Variants in RAB38 observed in about 807,000 individuals in gnomAD.
RAB38 encodes RAB38, member RAS oncogene family, also known as ras-related protein Rab-38.
In RAB38, 15 loss-of-function variants were observed where a neutral mutation model predicts 18.4. The observed-to-expected ratio is 0.82, with a 90% CI of 0.55 to 1.26. RAB38 has a LOEUF of 1.26. Ranked by LOEUF, RAB38 falls within the 50% of genes most tolerant of loss-of-function variation. The pLI is 0.00. For synonymous variants in RAB38, 101 were observed against 104.4 expected, an observed-to-expected ratio of 0.97 and a Z score of 0.20; for missense variants, 294 against 267.4, an observed-to-expected ratio of 1.10 and a Z score of -0.69.
chr11:88,033,050 A>G, the RAB38 span, among the ~76,000 whole-genome samples: 2 of 152,182 alleles, frequency 1.3e-5, no homozygotes, highest in Non-Finnish European at 2.9e-5. Context: ...TGCAGCCATA[A>G]AAAATGATGA....
the RAB38 span, among the ~76,000 whole-genome samples, chr11:87,955,911 G>A: frequency 6.7e-6 from 1 of 150,084 alleles, no homozygotes; most frequent in Non-Finnish European, 1.5e-5. Context: ...ACACAAGTAG[G>A]ACAGAATAGA....
chr11:88,093,541 G>A, the RAB38 span, among the ~76,000 whole-genome samples: 1 of 151,514 alleles, frequency 6.6e-6, no homozygotes, highest in African/African-American at 2.4e-5. Context: ...CAGTCCTTTT[G>A]TTCATTGAAA....
the RAB38 span, among the ~76,000 whole-genome samples, chr11:87,871,944 A>G: frequency 6.6e-6 from 1 of 151,610 alleles, no homozygotes; most frequent in East Asian, 1.9e-4. Context: ...ATTACAAATA[A>G]TGCTACCTGT....
the RAB38 span, among the ~76,000 whole-genome samples, chr11:87,976,161 T>A: frequency 6.7e-6 from 1 of 148,300 alleles, no homozygotes; most frequent in African/African-American, 2.5e-5. Flanking sequence ...TATATATACC[T>A]TTATGTATAT....
the RAB38 span, among the ~76,000 whole-genome samples, chr11:87,857,961 T>C: frequency 1.3e-5 from 2 of 152,202 alleles, no homozygotes; most frequent in Admixed American, 1.3e-4. Context: ...TGAATGCTAT[T>C]GCCTAGGTTT....
intron 2 of RAB38, among the ~76,000 whole-genome samples, chr11:88,143,525 T>C (rs1359173140): frequency 6.7e-6 from 1 of 150,270 alleles, no homozygotes; most frequent in East Asian, 1.9e-4. Flanking sequence ...GATCATAGTT[T>C]GCTAATGCAT....
chr11:88,103,273 T>A, the RAB38 span, among the ~76,000 whole-genome samples: 1 of 152,044 alleles, frequency 6.6e-6, no homozygotes, highest in Admixed American at 6.6e-5. Context: ...GCATTTGAAA[T>A]CTAGTGTGTC....
At chr11:87,844,004 ATC>A in the RAB38 span, among the ~76,000 whole-genome samples, 1 of 152,166 alleles carries the variant, frequency 6.6e-6, no homozygotes, top group Non-Finnish European at 1.5e-5. Flanking sequence ...ATATTTCCTC[ATC>A]TCTTAGTTTT....
At chr11:87,884,142 T>G in the RAB38 span, among the ~76,000 whole-genome samples, 1 of 151,974 alleles carries the variant, frequency 6.6e-6, no homozygotes. Context: ...TCATCTATCC[T>G]TATCTTTAGA....
chr11:88,131,165 G>A (rs1942763122), intron 2 of RAB38, among the ~76,000 whole-genome samples: 1 of 151,952 alleles, frequency 6.6e-6, no homozygotes, highest in African/African-American at 2.4e-5. Flanking sequence ...CTTATAATAT[G>A]GTATTGTTCA....
At chr11:87,828,548 T>C in the RAB38 span, among the ~76,000 whole-genome samples, 1,732 of 152,306 alleles carry the variant, frequency 0.011, 43 homozygotes, top group African/African-American at 0.039. Context: ...AGAGGTGTTT[T>C]CTGCCTGTTG....
chr11:88,160,330 A>G (rs1943175812), intron 1 of RAB38, among the ~76,000 whole-genome samples: 1 of 152,056 alleles, frequency 6.6e-6, no homozygotes, highest in Admixed American at 6.6e-5. Context: ...AAAAAACAAC[A>G]AATATTGGCA....
chr11:87,865,500 C>T, the RAB38 span, among the ~76,000 whole-genome samples: 6 of 151,774 alleles, frequency 4.0e-5, no homozygotes, highest in South Asian at 1.2e-3. Context: ...AAGGGTGTCT[C>T]CCTCCCTAGA....
chr11:88,062,268 C>T, the RAB38 span, among the ~76,000 whole-genome samples: 1 of 152,082 alleles, frequency 6.6e-6, no homozygotes, highest in African/African-American at 2.4e-5. Context: ...CACCGAGATC[C>T]GATGGTTTTT....
chr11:88,034,863 G>A, the RAB38 span, among the ~76,000 whole-genome samples: 2 of 152,212 alleles, frequency 1.3e-5, no homozygotes, highest in African/African-American at 4.8e-5. Context: ...GTATACACAT[G>A]AGAGTAGAAT....
chr11:87,951,594 T>G, the RAB38 span, among the ~76,000 whole-genome samples: 1 of 152,182 alleles, frequency 6.6e-6, no homozygotes, highest in Admixed American at 6.5e-5. Flanking sequence ...GTCCTTTCTG[T>G]TTGTTAGTTT....
the RAB38 span, among the ~76,000 whole-genome samples, chr11:87,863,489 A>G: frequency 6.6e-6 from 1 of 151,778 alleles, no homozygotes; most frequent in Non-Finnish European, 1.5e-5. Flanking sequence ...GGTTACAACC[A>G]CTGGGTGGTG....
At chr11:88,173,615 T>G (rs1018001141) in intron 1 of RAB38, 4 of 985,438 alleles carry the variant, frequency 4.1e-6, no homozygotes, top group African/African-American at 1.7e-5. Flanking sequence ...CATCCCCGTT[T>G]AAACAGTAAG....
chr11:87,900,197 C>T, the RAB38 span, among the ~76,000 whole-genome samples: 37 of 151,696 alleles, frequency 2.4e-4, no homozygotes, highest in African/African-American at 8.4e-4. Context: ...ATTGACACTA[C>T]ATAATAGAAT....
Sources: gnomAD v4.1 joint callset for allele counts (sites outside exome capture counted in the v4.1 genomes callset) on GRCh38, gnomAD v4.1.1 for gene constraint, MANE v1.5 for transcripts, NCBI Gene and HGNC (gene_info 2026-07-23, HGNC 2026-07-21) for gene names.